PCDHGA4: variants seen among roughly 807,000 people sequenced by gnomAD.
PCDHGA4 encodes protocadherin gamma subfamily A, 4.
Under a neutral mutation model 54.6 loss-of-function variants are expected in PCDHGA4, and 38 were observed. That is an observed-to-expected ratio of 0.70 (90% CI 0.54 to 0.91). The LOEUF (loss-of-function observed/expected upper bound fraction) is 0.91, where lower values mean the gene tolerates loss of function less well. PCDHGA4 is among the 40% of genes least tolerant of loss of function. The pLI is 0.00. For missense variants in PCDHGA4, 1,298 were observed against 1,220.9 expected, an observed-to-expected ratio of 1.06 and a Z score of -0.94; for synonymous variants, 511 against 512.9, an observed-to-expected ratio of 1.00 and a Z score of 0.05.
At position 141,431,906 on chromosome 5, in the gene PCDHGA4, A is replaced by G; in HGVS notation, c.2515-62901A>G. 1 of 1,613,868 alleles carries G rather than the reference A, an allele frequency of 6.2e-7. No individual in the cohort carries two copies. Among genetic ancestry groups the G allele is most frequent in the Non-Finnish European group, 8.5e-7 (1 of 1,179,692 alleles). On this transcript the variant is annotated intron_variant, in intron 1 of 3. Transcript: ENST00000571252. This position sits in a 1 kb window ranked among gnomAD's most constrained non-coding sequence, Gnocchi z 4.8. ...AGATTCTGAGGAAAACGGACAGGTG[A>G]TCTGTTTCATCCAAGGAAATCTGCC...
In PCDHGA4 at chr5:141,494,634, T is replaced by C. The variant is rs917243803; in HGVS notation, c.2515-173T>C. The C allele has an allele frequency of 1.1e-5, 10 of 889,216 alleles. No individual in the cohort carries two copies. In the African/African-American group the frequency reaches 1.8e-4, roughly 16 times the overall value. 55.1% of individuals were successfully genotyped at this position (889,216 alleles called of 1,614,324 possible). A position where few individuals can be genotyped will look rare whatever the true frequency, so the allele number is the denominator to read the frequency against. On this transcript the variant is annotated intron_variant, in intron 1 of 3. Coordinates refer to ENST00000571252, the MANE Select transcript of PCDHGA4 (RefSeq NM_018917.4). ...CTTGGTTTCTGGTACCTCAGACCTC[T>C]GAGACCTGAGGTGTATTTTGTCTTT...
intron 1 of PCDHGA4, chr5:141,417,966 C>T: frequency 6.2e-7 from 1 of 1,613,776 alleles, no homozygotes; most frequent in Non-Finnish European, 8.5e-7. Flanking sequence ...ATCCGCTACT[C>T]GATTCCGGAG....
chr5:141,510,944 C>T lies in PCDHGA4; in HGVS notation c.2663-3C>T, dbSNP rs772921698. 2 of 1,614,120 alleles carry T rather than the reference C, an allele frequency of 1.2e-6. No individual in the cohort carries two copies. Among genetic ancestry groups the T allele is most frequent in the South Asian group, 2.2e-5 (2 of 91,080 alleles). On this transcript the variant is annotated splice_region_variant and splice_polypyrimidine_tract_variant and intron_variant, in intron 3 of 3. Transcript: ENST00000571252. Reference sequence around the variant, plus strand: ...CCCACCTGATCTTCCTCTGTCTCTGCAGAAGCTGCTGATGGGAGCTCCACC... The same window carrying T: ...CCCACCTGATCTTCCTCTGTCTCTGTAGAAGCTGCTGATGGGAGCTCCACC...
chr5:141,390,749 ACT>A (rs2092225079), intron 1 of PCDHGA4: 1 of 170,960 alleles, frequency 5.8e-6, no homozygotes, highest in Admixed American at 5.7e-5. Flanking sequence ...ATAGTAGTCC[ACT>A]GTTTTGTTTC....
intron 1 of PCDHGA4, chr5:141,419,579 C>A: frequency 6.2e-7 from 1 of 1,611,812 alleles, no homozygotes; most frequent in Non-Finnish European, 8.5e-7. Flanking sequence ...CGGCTCCGCG[C>A]TCTTCGACAC....
chr5:141,430,926 C>A (rs145535410), intron 1 of PCDHGA4: 4 of 1,607,308 alleles, frequency 2.5e-6, no homozygotes, highest in African/African-American at 1.3e-5. Context: ...GGGCTGGAGC[C>A]CCGGGAGCTC....
chr5:141,418,523 C>G (rs2096266495), intron 1 of PCDHGA4: 1 of 1,613,958 alleles, frequency 6.2e-7, no homozygotes, highest in Non-Finnish European at 8.5e-7. Context: ...GGACCCTCCC[C>G]GAAGCGGTAC....
At chr5:141,460,908 T>C (rs550367008) in intron 1 of PCDHGA4, among the ~76,000 whole-genome samples, 2,136 of 133,318 alleles carry the variant, frequency 0.016, 43 homozygotes, top group African/African-American at 0.062. Flanking sequence ...TAATATTCCA[T>C]GGTGTATATA....
intron 1 of PCDHGA4, among the ~76,000 whole-genome samples, chr5:141,451,032 A>G: frequency 6.6e-6 from 1 of 150,486 alleles, no homozygotes; most frequent in Non-Finnish European, 1.5e-5. Context: ...GTTTCACCAT[A>G]TTGGCCAGGC....
chr5:141,361,548 C>G (rs374369531), intron 1 of PCDHGA4: 3 of 1,613,976 alleles, frequency 1.9e-6, no homozygotes, highest in Non-Finnish European at 2.5e-6. Flanking sequence ...GCGCCTCTAT[C>G]GCTCAAATCA....
At position 141,494,833 on chromosome 5, in the gene PCDHGA4, T is replaced by C. The variant is rs537340090; in HGVS notation, c.2541T>C (p.Arg847=). 1 of 1,614,094 alleles carries C rather than the reference T, an allele frequency of 6.2e-7. No homozygotes were observed. The highest frequency in any genetic ancestry group is 1.7e-5 in the Admixed American group (1 of 60,014). Residue 847 remains arginine, a synonymous_variant, in exon 2 of 4, where the codon CGT becomes CGC. Coordinates refer to ENST00000571252, the MANE Select transcript of PCDHGA4 (RefSeq NM_018917.4). ...LQQAPPNTDW[R]FSQAQRPGTS... Reference sequence around the variant, plus strand: ...AAGCCCCGCCCAACACGGACTGGCGTTTCTCTCAGGCCCAGAGACCCGGCA... The same window carrying C: ...AAGCCCCGCCCAACACGGACTGGCGCTTCTCTCAGGCCCAGAGACCCGGCA...
chr5:141,364,710 A>G (rs778155346), intron 1 of PCDHGA4: 12 of 1,613,886 alleles, frequency 7.4e-6, no homozygotes, highest in Non-Finnish European at 8.5e-7. Context: ...ATCGATATTA[A>G]TGATAACTTC....
intron 1 of PCDHGA4, chr5:141,398,946 C>A: frequency 6.2e-7 from 1 of 1,613,948 alleles, no homozygotes; most frequent in Non-Finnish European, 8.5e-7. Flanking sequence ...ACGAGGGCAT[C>A]AACTCAGAAA....
intron 1 of PCDHGA4, chr5:141,419,492 A>G: frequency 6.2e-7 from 1 of 1,612,358 alleles, no homozygotes; most frequent in South Asian, 1.1e-5. Flanking sequence ...GCTCAGCGCC[A>G]ATGTGAGCCT....
At chr5:141,427,808 G>C (rs756554301) in intron 1 of PCDHGA4, 1 of 1,522,948 alleles carries the variant, frequency 6.6e-7, no homozygotes, top group Non-Finnish European at 9.0e-7. Context: ...TGAGCGCACA[G>C]AGCGGGGTGG....
chr5:141,500,189 TTTATTTATTTATTTATTTA>T (rs2099797567), intron 2 of PCDHGA4, among the ~76,000 whole-genome samples: 1 of 110,894 alleles, frequency 9.0e-6, no homozygotes, highest in Non-Finnish European at 1.8e-5. Flanking sequence ...TTTATTTTTA[TTTATTTATTTATTTATTTA>T]TTTATTTATT....
At chr5:141,388,721 C>A (rs373386803) in intron 1 of PCDHGA4, 33 of 1,613,884 alleles carry the variant, frequency 2.0e-5, no homozygotes, top group Non-Finnish European at 2.7e-5. Context: ...AGATTACTTT[C>A]TCTTTCAGTG....
In PCDHGA4 at chr5:141,511,281, G is replaced by A; in HGVS notation, c.*108G>A. The A allele has an allele frequency of 2.0e-6, 3 of 1,531,280 alleles. No homozygotes were observed. Among genetic ancestry groups the A allele is most frequent in the Non-Finnish European group, 2.6e-6 (3 of 1,137,132 alleles). 94.9% of individuals were successfully genotyped at this position (1,531,280 alleles called of 1,614,324 possible). ...TTCAGGGCTAACCCCCAGAATACTG[G>A]TAGGGGCCAAGGCCATGCTCCCCTT... On this transcript the variant is annotated 3_prime_UTR_variant, in exon 4 of 4. Transcript: ENST00000571252.
intron 1 of PCDHGA4, among the ~76,000 whole-genome samples, chr5:141,448,287 C>G (rs1394399947): frequency 6.6e-6 from 1 of 152,130 alleles, no homozygotes; most frequent in Non-Finnish European, 1.5e-5. Flanking sequence ...GCAACTTGCT[C>G]TTTCCACTTA....
Sources: gnomAD v4.1 joint callset for allele counts (sites outside exome capture counted in the v4.1 genomes callset) on GRCh38, gnomAD v4.1.1 for gene constraint, Gnocchi (gnomAD v3.1) non-coding constraint, MANE v1.5 for transcripts, NCBI Gene and HGNC (gene_info 2026-07-23, HGNC 2026-07-21) for gene names.